MYDGF: variants seen among roughly 807,000 people sequenced by gnomAD.
MYDGF encodes myeloid-derived growth factor.
MYDGF carries 29 observed loss-of-function variants against 24.2 expected under a neutral mutation model. The ratio of observed to expected loss-of-function variants is 1.20; its 90% CI spans 0.89 to 1.63. MYDGF has a LOEUF of 1.63. MYDGF is among the 40% of genes most tolerant of loss of function. The probability of loss-of-function intolerance (pLI) is 0.00; values close to 1 mark genes in which losing one functional copy is unlikely to be tolerated. For synonymous variants in MYDGF, 105 were observed against 102.5 expected, an observed-to-expected ratio of 1.02 and a Z score of -0.15; for missense variants, 245 against 234.8, an observed-to-expected ratio of 1.04 and a Z score of -0.29.
In MYDGF at chr19:4,668,641, T is replaced by C. The variant is rs1410917349; in HGVS notation, c.179A>G (p.Lys60Arg). 1.2e-6 allele frequency: 2 copies of C among 1,612,680 alleles called. No homozygotes were observed. Among genetic ancestry groups the C allele is most frequent in the Admixed American group, 1.7e-5 (1 of 59,976 alleles). Residue 60 changes from lysine to arginine, a missense_variant, in exon 2 of 6, where the codon AAA (lysine) becomes AGA (arginine). Transcript: ENST00000262947. Reference protein sequence around the residue: ...SFSHNVGPGDKYTCMFTYASQ... With the variant: ...SFSHNVGPGDRYTCMFTYASQ... The stretch of plus-strand genomic sequence containing the variant: ...GGCGTAAGTGAACATACACGTATAT[T>C]TGTCCTAGAGAATGGAAGGAAAAAA...
intron 1 of MYDGF, among the ~76,000 whole-genome samples, chr19:4,669,684 G>A (rs1246247302): frequency 1.3e-5 from 2 of 152,220 alleles, no homozygotes; most frequent in South Asian, 4.1e-4. Flanking sequence ...GACAAGCTGA[G>A]TACAGGGCTG....
At chr19:4,669,813 C>CT (rs2088550418) in intron 1 of MYDGF, among the ~76,000 whole-genome samples, 1 of 152,118 alleles carries the variant, frequency 6.6e-6, no homozygotes, top group South Asian at 2.1e-4. Context: ...GGCAGATGCC[C>CT]TTTAGCCTCC....
intron 2 of MYDGF, among the ~76,000 whole-genome samples, chr19:4,667,280 C>G (rs1194448692): frequency 6.6e-6 from 1 of 152,058 alleles, no homozygotes; most frequent in Non-Finnish European, 1.5e-5. Context: ...AGGTGCCCAC[C>G]AAAACACCCG....
chr19:4,658,803 AATTT>A (rs2145181694), intron 5 of MYDGF, among the ~76,000 whole-genome samples: 1 of 151,966 alleles, frequency 6.6e-6, no homozygotes, highest in African/African-American at 2.4e-5. Context: ...TATTTTTTAA[AATTT>A]ATTATTTTTT....
chr19:4,666,964 G>T (rs1328762065), intron 2 of MYDGF, among the ~76,000 whole-genome samples: 1 of 151,948 alleles, frequency 6.6e-6, no homozygotes, highest in Non-Finnish European at 1.5e-5. Flanking sequence ...TTGTGGTTGT[G>T]GCAGATTTCA....
At chr19:4,667,108 G>A (rs549543129) in intron 2 of MYDGF, among the ~76,000 whole-genome samples, 1 of 148,796 alleles carries the variant, frequency 6.7e-6, no homozygotes, top group Non-Finnish European at 1.5e-5. Context: ...GTGTCCATGT[G>A]CTTCAAATCA....
At chr19:4,668,315 C>T (rs555334574) in intron 2 of MYDGF, among the ~76,000 whole-genome samples, 1 of 152,322 alleles carries the variant, frequency 6.6e-6, no homozygotes, top group African/African-American at 2.4e-5. Context: ...TTGCACTGCA[C>T]ATAAAATACA....
At chr19:4,665,057 GC>G in intron 2 of MYDGF, 120 bp from the exon 3 acceptor site, 1 of 1,103,690 alleles carries the variant, frequency 9.1e-7, no homozygotes, top group Non-Finnish European at 1.3e-6. Flanking sequence ...TCAGGGGCTG[GC>G]CACTAAATCC....
chr19:4,660,616 G>T, intron 4 of MYDGF, 53 bp downstream of exon 4: 1 of 1,506,590 alleles, frequency 6.6e-7, no homozygotes, highest in Non-Finnish European at 9.2e-7. Context: ...TCTCACAGCT[G>T]CCCCAGTGCA....
intron 2 of MYDGF, among the ~76,000 whole-genome samples, chr19:4,666,892 C>T (rs1177308424): frequency 6.6e-6 from 1 of 152,084 alleles, no homozygotes; most frequent in Non-Finnish European, 1.5e-5. Context: ...ATGGCGAAAC[C>T]CATCTCAAGG....
Position 4,668,619 on chromosome 19 carries a change from G to GT in MYDGF, c.200dup (p.Tyr67Ter). Residue 67 changes from tyrosine to a stop codon, truncating the protein, a stop_gained and frameshift_variant, in exon 2 of 6, where the codon TAC (tyrosine) becomes TAAC (stop). Transcript: ENST00000262947. LOFTEE classifies it high-confidence loss of function. The stretch of plus-strand genomic sequence containing the variant: ...CCTCATTGGTCCCTCCTTGAGAGGC[G>GT]TAAGTGAACATACACGTATATTTGT... ...PGDKYTCMFT[Y>*]ASQGGTNEQW... is the part of the protein sequence containing the mutation. 2 of 1,612,900 alleles carry GT rather than the reference G, an allele frequency of 1.2e-6. No individual in the cohort carries two copies. The highest frequency in any genetic ancestry group is 4.5e-5 in the East Asian group (2 of 44,856).
chr19:4,660,069 A>G (rs922197128), intron 4 of MYDGF, 66 bp from the exon 5 acceptor site: 3 of 1,454,374 alleles, frequency 2.1e-6, no homozygotes, highest in East Asian at 4.5e-5. Context: ...AAAACGATTG[A>G]GTTTGCTTTC....
At chr19:4,663,472 C>T (rs867592224) in intron 3 of MYDGF, among the ~76,000 whole-genome samples, 41 of 131,948 alleles carry the variant, frequency 3.1e-4, no homozygotes, top group Admixed American at 5.1e-4. Flanking sequence ...CCTCCCCACC[C>T]CATCCTCATT....
chr19:4,662,187 C>T (rs72620523), intron 3 of MYDGF, among the ~76,000 whole-genome samples: 15,885 of 152,196 alleles, frequency 0.1, 1,064 homozygotes, highest in African/African-American at 0.19. Flanking sequence ...AACACCCACA[C>T]GAGGCAGCAA....
At chr19:4,664,824 C>T in intron 3 of MYDGF, 52 bp downstream of exon 3, 1 of 1,598,458 alleles carries the variant, frequency 6.3e-7, no homozygotes, top group Non-Finnish European at 8.5e-7. Flanking sequence ...CTCCTGAGGC[C>T]ACAGGGCAGG....
At chr19:4,664,526 G>A (rs1291807327) in intron 3 of MYDGF, among the ~76,000 whole-genome samples, 1 of 151,316 alleles carries the variant, frequency 6.6e-6, no homozygotes, top group Non-Finnish European at 1.5e-5. Context: ...AAAGCCCTTT[G>A]GTGAGTTCGT....
At chr19:4,666,782 A>C (rs2088524687) in intron 2 of MYDGF, among the ~76,000 whole-genome samples, 1 of 152,012 alleles carries the variant, frequency 6.6e-6, no homozygotes, top group African/African-American at 2.4e-5. Flanking sequence ...AATCTCTAGG[A>C]GGCCGGGCAC....
Position 4,668,594 on chromosome 19 carries a change from C to A in MYDGF, c.225+1G>T. The A allele has an allele frequency of 1.2e-6, 2 of 1,610,638 alleles. No homozygotes were observed. The highest frequency in any genetic ancestry group is 1.7e-6 in the Non-Finnish European group (2 of 1,177,012). On this transcript the variant is annotated splice_donor_variant, in intron 2 of 5. Coordinates refer to ENST00000262947, the MANE Select transcript of MYDGF (RefSeq NM_019107.4). LOFTEE classifies it high-confidence loss of function. ...GCTAGAGGGAATTTTGAACAACTCA[C>A]CTCATTGGTCCCTCCTTGAGAGGCG...
chr19:4,666,701 C>CA (rs1357869213), intron 2 of MYDGF, among the ~76,000 whole-genome samples: 1 of 152,218 alleles, frequency 6.6e-6, no homozygotes, highest in African/African-American at 2.4e-5. Flanking sequence ...AAGTAACCCT[C>CA]AATCCATTAG....
Sources: allele counts gnomAD v4.1 joint callset (sites outside exome capture counted in the v4.1 genomes callset), GRCh38; gene constraint gnomAD v4.1.1; transcripts MANE v1.5; gene names NCBI Gene and HGNC (gene_info 2026-07-23, HGNC 2026-07-21).